The following EDA variants were observed in gnomAD, a reference collection of about 807,000 sequenced individuals.
EDA encodes ectodysplasin-A.
In EDA, 2 loss-of-function variants were observed where a neutral mutation model predicts 23.6. The observed-to-expected ratio is 0.08, with a 90% CI of 0.03 to 0.27. The LOEUF is 0.27. Among genes scored for constraint, EDA ranks in the 10% least tolerant of loss-of-function variants. The pLI is 1.00. For synonymous variants in EDA, 131 were observed against 132.0 expected, an observed-to-expected ratio of 0.99 and a Z score of 0.05; for missense variants, 229 against 324.2, an observed-to-expected ratio of 0.71 and a Z score of 2.26.
chrX:69,809,387 TCA>T (rs1477636268), intron 1 of EDA, among the ~76,000 whole-genome samples: 1 of 110,998 alleles, frequency 9.0e-6, no homozygotes, highest in East Asian at 2.9e-4. Flanking sequence ...TCATGAGAAC[TCA>T]CTATCATGAG....
chrX:69,764,016 G>A (rs2014389775), intron 1 of EDA, among the ~76,000 whole-genome samples: 1 of 109,932 alleles, frequency 9.1e-6, no homozygotes, highest in Non-Finnish European at 1.9e-5. Flanking sequence ...AGAGAGAGAA[G>A]AGATGAGCTA....
chrX:69,866,995 A>G (rs1168331974), intron 1 of EDA, among the ~76,000 whole-genome samples: 1 of 112,177 alleles, frequency 8.9e-6, no homozygotes, highest in Non-Finnish European at 1.9e-5. Flanking sequence ...TCCAGTGAGG[A>G]CAAACCTCTG....
intron 1 of EDA, among the ~76,000 whole-genome samples, chrX:69,870,717 G>A (rs1160453693): frequency 9.0e-6 from 1 of 111,484 alleles, no homozygotes; most frequent in Non-Finnish European, 1.9e-5. Context: ...CAGGTTGCAG[G>A]GTCCCATTTT....
At chrX:69,758,058 T>C (rs1424449380) in intron 1 of EDA, among the ~76,000 whole-genome samples, 7 of 112,238 alleles carry the variant, frequency 6.2e-5, no homozygotes, top group African/African-American at 2.3e-4. Context: ...AAGTAGGGTT[T>C]ATATTGAAAT....
chrX:69,944,802 C>A (rs1602554202), intron 1 of EDA, among the ~76,000 whole-genome samples: 1 of 111,997 alleles, frequency 8.9e-6, no homozygotes, highest in African/African-American at 3.2e-5. Flanking sequence ...TTTAGAACCC[C>A]AAAGCACTTT....
At chrX:69,989,307 G>T (rs1179174841) in intron 2 of EDA, among the ~76,000 whole-genome samples, 1 of 111,698 alleles carries the variant, frequency 9.0e-6, no homozygotes, top group Non-Finnish European at 1.9e-5. Context: ...CCACCCATTT[G>T]CAACAGGAAA....
intron 1 of EDA, among the ~76,000 whole-genome samples, chrX:69,935,308 G>C (rs2018655973): frequency 9.0e-6 from 1 of 111,203 alleles, no homozygotes; most frequent in South Asian, 3.8e-4. Flanking sequence ...TATATACCTA[G>C]CAGTAGGATT....
At position 69,750,744 on chromosome X, in the gene EDA, G is replaced by T. The variant is rs1367899423; in HGVS notation, c.396+134040G>T. ...CTAGTGTGAGATGGTATCTCATTGTGATTTTGACTCGCATTTCTCTAATGG... is the reference window on the plus strand; with the variant it reads ...CTAGTGTGAGATGGTATCTCATTGTTATTTTGACTCGCATTTCTCTAATGG... On this transcript the variant is annotated intron_variant, in intron 1 of 7. Transcript: ENST00000374552. 2.7e-5 allele frequency among the ~76,000 whole-genome samples: 3 copies of T among 111,900 alleles called. No individual in the cohort carries two copies. In the Admixed American group the frequency reaches 2.8e-4, roughly 11 times the overall value.
intron 1 of EDA, among the ~76,000 whole-genome samples, chrX:69,619,614 G>A (rs924434742): frequency 1.8e-5 from 2 of 112,012 alleles, no homozygotes; most frequent in African/African-American, 3.2e-5. Flanking sequence ...CAGACCTTCC[G>A]TAATCAATCA....
intron 1 of EDA, among the ~76,000 whole-genome samples, chrX:69,751,333 G>T (rs1437006283): frequency 8.9e-6 from 1 of 112,088 alleles, no homozygotes; most frequent in Non-Finnish European, 1.9e-5. Context: ...TCAGATGGTT[G>T]TAGATGTGTG....
chrX:70,032,763 C>T (rs6625563), intron 6 of EDA, among the ~76,000 whole-genome samples: 44,216 of 109,795 alleles, frequency 0.4, 6,473 homozygotes, highest in East Asian at 0.72. Context: ...ATAAGGATCC[C>T]TCTCACCTAT....
intron 1 of EDA, among the ~76,000 whole-genome samples, chrX:69,682,478 G>C (rs6625505): frequency 0.083 from 9,282 of 111,960 alleles, 982 homozygotes; most frequent in East Asian, 0.7. Flanking sequence ...GCGAGACTCC[G>C]TGGACGTAGG....
intron 1 of EDA, among the ~76,000 whole-genome samples, chrX:69,889,291 G>A (rs934905876): frequency 1.9e-5 from 2 of 107,450 alleles, no homozygotes; most frequent in Non-Finnish European, 3.8e-5. Flanking sequence ...GGGACTACAG[G>A]CACACACCAC....
rs1373583426 is a variant in EDA, at chrX:69,789,262, T to C, written c.397-167765T>C. 6.2e-5 allele frequency among the ~76,000 whole-genome samples: 7 copies of C among 112,081 alleles called. No individual in the cohort carries two copies. In the East Asian group the frequency reaches 1.7e-3, roughly 27 times the overall value. On this transcript the variant is annotated intron_variant, in intron 1 of 7. Transcript: ENST00000374552. ...AGAAATCACCCGTCTTCTGCATCGC[T>C]CACACTGGGAGCTGTAGACCGGAGC...
chrX:69,765,621 A>G (rs1478917499), intron 1 of EDA, among the ~76,000 whole-genome samples: 1 of 111,476 alleles, frequency 9.0e-6, no homozygotes, highest in African/African-American at 3.3e-5. Flanking sequence ...ATAACTTTTT[A>G]TTTTCAGAAA....
At chrX:69,627,500 G>A (rs926486120) in intron 1 of EDA, among the ~76,000 whole-genome samples, 1 of 111,245 alleles carries the variant, frequency 9.0e-6, no homozygotes, top group African/African-American at 3.3e-5. Flanking sequence ...CAGGTCCCTG[G>A]CCACACCCAG....
chrX:69,715,629 C>G lies in EDA; in HGVS notation c.396+98925C>G, dbSNP rs1445934410. Among the ~76,000 whole-genome samples the G allele has an allele frequency of 4.5e-5, 5 of 110,756 alleles. No homozygotes were observed. The Admixed American group carries it at 4.8e-4, about 11-fold the overall frequency. ...TTGCCCAATAATGAGATTGCTGGGT[C>G]AAATGGTAGTTCTTTGAGGAATTGC... On this transcript the variant is annotated intron_variant, in intron 1 of 7. Transcript: ENST00000374552.
At chrX:69,651,460 A>T (rs1244027094) in intron 1 of EDA, among the ~76,000 whole-genome samples, 1 of 105,724 alleles carries the variant, frequency 9.5e-6, no homozygotes, top group African/African-American at 3.5e-5. Context: ...TGGTATTGGT[A>T]TCCAGGTATA....
chrX:69,740,178 A>T (rs2013408197), intron 1 of EDA, among the ~76,000 whole-genome samples: 1 of 111,233 alleles, frequency 9.0e-6, no homozygotes, highest in South Asian at 3.7e-4. Context: ...AAGAAGAAAG[A>T]ATAAACATAT....
Sources: gnomAD v4.1 joint callset for allele counts (sites outside exome capture counted in the v4.1 genomes callset) on GRCh38, gnomAD v4.1.1 for gene constraint, MANE v1.5 for transcripts, NCBI Gene and HGNC (gene_info 2026-07-23, HGNC 2026-07-21) for gene names.